HHIPL1: variants seen among roughly 807,000 people sequenced by gnomAD.
The protein encoded by HHIPL1 is HHIP like 1.
In HHIPL1, 43 loss-of-function variants were observed where a neutral mutation model predicts 61.8. That is an observed-to-expected ratio of 0.70 (90% CI 0.55 to 0.90). The LOEUF (loss-of-function observed/expected upper bound fraction) is 0.90. HHIPL1 is among the 40% of genes least tolerant of loss of function. The pLI is 0.00. For synonymous variants in HHIPL1, 482 were observed against 515.8 expected, an observed-to-expected ratio of 0.93 and a Z score of 0.89; for missense variants, 1,056 against 1,157.7, an observed-to-expected ratio of 0.91 and a Z score of 1.28.
At chr14:99,655,594 G>C (rs1268988614) in intron 2 of HHIPL1, among the ~76,000 whole-genome samples, 1 of 152,052 alleles carries the variant, frequency 6.6e-6, no homozygotes, top group Non-Finnish European at 1.5e-5. Flanking sequence ...ACTGCACTCC[G>C]GCCTGGGTGG....
the HHIPL1 span, among the ~76,000 whole-genome samples, chr14:99,605,833 C>T: frequency 6.6e-6 from 1 of 152,166 alleles, no homozygotes; most frequent in African/African-American, 2.4e-5. Context: ...ACAGCCAGTG[C>T]CAAGGCCCTA....
In HHIPL1 at chr14:99,674,436, G is replaced by T. The variant is rs538665911; in HGVS notation, c.1814-655G>T. ...CCCAGGCTCTGTGGTGGGGTATAGG[G>T]GCTCTGCCTTGTTCCCCAGACACAA... On this transcript the variant is annotated intron_variant, in intron 8 of 8. Coordinates refer to ENST00000330710, the MANE Select transcript of HHIPL1 (RefSeq NM_001127258.3). Among the ~76,000 whole-genome samples the T allele has an allele frequency of 5.3e-5, 8 of 152,188 alleles. No individual in the cohort carries two copies. The South Asian group carries it at 1.7e-3, about 32-fold the overall frequency.
rs955072903 is a variant in HHIPL1, at chr14:99,679,849, A to G, written c.*4223A>G. On this transcript the variant is annotated 3_prime_UTR_variant, in exon 9 of 9. Coordinates refer to ENST00000330710, the MANE Select transcript of HHIPL1 (RefSeq NM_001127258.3). Reference sequence around the variant, plus strand: ...CGTGAAGGACCAGCATCAGAATGACATGGGAAGAAACTCTCACAATAGCAG... The same window carrying G: ...CGTGAAGGACCAGCATCAGAATGACGTGGGAAGAAACTCTCACAATAGCAG... 1 of 152,246 alleles carries G rather than the reference A, an allele frequency of 6.6e-6. No homozygotes were observed. The highest frequency in any genetic ancestry group is 1.5e-5 in the Non-Finnish European group (1 of 68,060). 9.4% of individuals were successfully genotyped at this position (152,246 alleles called of 1,614,324 possible).
the HHIPL1 span, among the ~76,000 whole-genome samples, chr14:99,638,794 G>A: frequency 6.6e-6 from 1 of 152,216 alleles, no homozygotes; most frequent in African/African-American, 2.4e-5. Context: ...TTCCGAAGCT[G>A]CATTTCCATT....
chr14:99,616,172 T>C, the HHIPL1 span, among the ~76,000 whole-genome samples: 1 of 152,242 alleles, frequency 6.6e-6, no homozygotes, highest in Non-Finnish European at 1.5e-5. Context: ...TTCTTGCCAT[T>C]GTGTTACAGT....
intron 8 of HHIPL1, among the ~76,000 whole-genome samples, chr14:99,674,044 G>A (rs1461777741): frequency 2.0e-5 from 3 of 151,890 alleles, no homozygotes; most frequent in African/African-American, 7.3e-5. Flanking sequence ...AGGGGCCAGG[G>A]TGCAGGGACA....
At chr14:99,646,071 C>G (rs746951260) in intron 1 of HHIPL1, among the ~76,000 whole-genome samples, 7 of 152,282 alleles carry the variant, frequency 4.6e-5, no homozygotes, top group Non-Finnish European at 1.0e-4. Context: ...GAAGCTCTCT[C>G]AAGACTGAGC....
upstream of HHIPL1, among the ~76,000 whole-genome samples, chr14:99,643,085 G>A (rs758876423): frequency 6.6e-6 from 1 of 151,864 alleles, no homozygotes; most frequent in Non-Finnish European, 1.5e-5. Flanking sequence ...CTGTCACCCA[G>A]GCTGGAGTGC....
chr14:99,639,895 C>T, the HHIPL1 span, among the ~76,000 whole-genome samples: 4 of 151,760 alleles, frequency 2.6e-5, no homozygotes, highest in African/African-American at 7.3e-5. Flanking sequence ...CTCCTGACCT[C>T]GTGATCCTCC....
intron 3 of HHIPL1, among the ~76,000 whole-genome samples, chr14:99,657,404 ACCCT>A (rs1445051785): frequency 6.6e-6 from 1 of 152,056 alleles, no homozygotes; most frequent in African/African-American, 2.4e-5. Context: ...CTGGCACAGG[ACCCT>A]CTGGGCACAG....
the HHIPL1 span, among the ~76,000 whole-genome samples, chr14:99,618,087 C>T: frequency 6.6e-6 from 1 of 152,188 alleles, no homozygotes; most frequent in African/African-American, 2.4e-5. Context: ...GGCTACAAAC[C>T]CTTCCCTTGA....
rs937808703 is a variant in HHIPL1, at chr14:99,676,028, G to C, written c.*402G>C. 2 of 194,290 alleles carry C rather than the reference G, an allele frequency of 1.0e-5. No individual in the cohort carries two copies. The highest frequency in any genetic ancestry group is 4.6e-5 in the African/African-American group (2 of 43,020). The allele number at this position is 194,290 out of a possible 1,614,324, so 12.0% of individuals were successfully genotyped here. ...GACTGAGGGCGGTGGGGAGAACCAG[G>C]CTTGTCCTGCCCACAGCTGGAATGG... On this transcript the variant is annotated 3_prime_UTR_variant, in exon 9 of 9. Transcript: ENST00000330710.
At chr14:99,661,642 A>AT (rs1360365490) in intron 5 of HHIPL1, among the ~76,000 whole-genome samples, 3 of 152,024 alleles carry the variant, frequency 2.0e-5, no homozygotes, top group Non-Finnish European at 2.9e-5. Flanking sequence ...TAATTTTTGC[A>AT]TTTTTTGTAG....
rs550708191 is a variant in HHIPL1, at chr14:99,678,719, G to A, written c.*3093G>A. 7.2e-5 allele frequency: 11 copies of A among 152,208 alleles called. No individual in the cohort carries two copies. The highest frequency in any genetic ancestry group is 1.3e-4 in the Non-Finnish European group (9 of 68,040). 9.4% of individuals were successfully genotyped at this position (152,208 alleles called of 1,614,324 possible). ...TGAGCTGGGACATGCCTGTGAGCAC[G>A]TCCAGCACAGATATCTTGGTTAAAG... is the stretch of plus-strand genomic sequence containing the variant. On this transcript the variant is annotated 3_prime_UTR_variant, in exon 9 of 9. Coordinates refer to ENST00000330710, the MANE Select transcript of HHIPL1 (RefSeq NM_001127258.3).
chr14:99,648,876 G>C (rs2055882157), intron 1 of HHIPL1, among the ~76,000 whole-genome samples: 6 of 152,174 alleles, frequency 3.9e-5, no homozygotes, highest in Admixed American at 3.9e-4. Context: ...AAACCTTCAG[G>C]ACCCAGGGCC....
Position 99,668,186 on chromosome 14 carries a change from G to A in HHIPL1, c.1649-36G>A. The stretch of plus-strand genomic sequence containing the variant: ...GGGGCTGGCTGGGACGGTATTCCAG[G>A]TGGGGGTCTCACTAGTCACTTTGTT... On this transcript the variant is annotated intron_variant, in intron 6 of 8. Transcript: ENST00000330710. This position sits in a 1 kb window ranked among gnomAD's most constrained non-coding sequence, Gnocchi z 4.7. 14 of 1,330,294 alleles carry A rather than the reference G, an allele frequency of 1.1e-5. No homozygotes were observed. Among genetic ancestry groups the A allele is most frequent in the Non-Finnish European group, 1.2e-5 (11 of 920,770 alleles). The allele number at this position is 1,330,294 out of a possible 1,614,324, so 82.4% of individuals were successfully genotyped here.
the HHIPL1 span, among the ~76,000 whole-genome samples, chr14:99,611,596 T>TG: frequency 6.9e-6 from 1 of 145,846 alleles, no homozygotes; most frequent in African/African-American, 2.6e-5. Context: ...TTTTTTTTTT[T>TG]TTTTTTTTTT....
chr14:99,638,919 T>C, the HHIPL1 span, among the ~76,000 whole-genome samples: 1 of 152,266 alleles, frequency 6.6e-6, no homozygotes, highest in Admixed American at 6.5e-5. Flanking sequence ...TTTGGTGGAA[T>C]TGTCCAGCTG....
chr14:99,611,696 G>A, the HHIPL1 span, among the ~76,000 whole-genome samples: 14 of 150,362 alleles, frequency 9.3e-5, no homozygotes, highest in African/African-American at 3.2e-4. Flanking sequence ...CTAAAGTGTT[G>A]GGATTTCAGG....
Sources: allele counts gnomAD v4.1 joint callset (sites outside exome capture counted in the v4.1 genomes callset), GRCh38; gene constraint gnomAD v4.1.1; non-coding constraint Gnocchi (gnomAD v3.1); transcripts MANE v1.5; gene names NCBI Gene and HGNC (gene_info 2026-07-23, HGNC 2026-07-21).